Variants in TSHZ2 observed in about 807,000 individuals in gnomAD.
The protein encoded by TSHZ2 is teashirt homolog 2.
In TSHZ2, 21 loss-of-function variants were observed where a neutral mutation model predicts 74.4. That is an observed-to-expected ratio of 0.28 (90% CI 0.20 to 0.41). The LOEUF (loss-of-function observed/expected upper bound fraction) is 0.41. TSHZ2 is among the 10% of genes least tolerant of loss of function. The pLI is 1.00. For synonymous variants in TSHZ2, 540 were observed against 515.3 expected, an observed-to-expected ratio of 1.05 and a Z score of -0.65; for missense variants, 1,244 against 1,293.5, an observed-to-expected ratio of 0.96 and a Z score of 0.59.
rs565842424 is a variant in TSHZ2 at position 53,298,633 on chromosome 20, G to C, written c.*8+42062G>C. On this transcript the variant is annotated intron_variant, in intron 2 of 2. Coordinates refer to ENST00000371497, the MANE Select transcript of TSHZ2 (RefSeq NM_173485.6). ...CTTGCTGTGCAGAAGCCAGGGTGCA[G>C]GGGATCTTGTCAGCTGTCTCAGAGA... Among the ~76,000 whole-genome samples the C allele has an allele frequency of 2.6e-5, 4 of 152,340 alleles. No homozygotes were observed. The East Asian group carries it at 7.7e-4, about 29-fold the overall frequency.
At chr20:53,322,525 GA>G (rs990227785) in intron 2 of TSHZ2, among the ~76,000 whole-genome samples, 5 of 146,994 alleles carry the variant, frequency 3.4e-5, no homozygotes, top group East Asian at 2.0e-4. Flanking sequence ...AAAAAAAAAA[GA>G]AAAAAAAAAC....
chr20:53,199,960 C>T (rs767432038), intron 1 of TSHZ2, among the ~76,000 whole-genome samples: 89 of 152,192 alleles, frequency 5.8e-4, no homozygotes, highest in African/African-American at 1.7e-3. Flanking sequence ...CACATCCACG[C>T]GGTACCTTGC....
intron 1 of TSHZ2, among the ~76,000 whole-genome samples, chr20:53,138,656 T>C (rs976434926): frequency 6.6e-6 from 1 of 152,218 alleles, no homozygotes; most frequent in Admixed American, 6.5e-5. Flanking sequence ...CTTCTATATA[T>C]ACTTCAAAAC....
chr20:53,204,133 TATACTATATCATCATATGATGATATG>T (rs1568810895), intron 1 of TSHZ2, among the ~76,000 whole-genome samples: 3 of 22,726 alleles, frequency 1.3e-4, no homozygotes, highest in Non-Finnish European at 2.9e-4. Flanking sequence ...GATGATATGA[TATACTATATCATCATATGATGATATG>T]ATACTATATC....
At chr20:53,471,602 G>T (rs987595995) in intron 2 of TSHZ2, among the ~76,000 whole-genome samples, 5 of 152,092 alleles carry the variant, frequency 3.3e-5, no homozygotes, top group African/African-American at 7.2e-5. Flanking sequence ...AGGATGAAAA[G>T]GTGCTGGCCA....
At chr20:53,148,712 C>G (rs1379148325) in intron 1 of TSHZ2, among the ~76,000 whole-genome samples, 1 of 152,138 alleles carries the variant, frequency 6.6e-6, no homozygotes, top group Non-Finnish European at 1.5e-5. Context: ...ATCTCCCAAT[C>G]TTTTCTGAGA....
At chr20:53,358,209 G>A (rs1031581735) in intron 2 of TSHZ2, among the ~76,000 whole-genome samples, 3 of 149,852 alleles carry the variant, frequency 2.0e-5, no homozygotes, top group African/African-American at 7.4e-5. Context: ...TTTATGGGGG[G>A]AAGCAAAAAA....
chr20:53,456,565 G>C (rs1258457409), intron 2 of TSHZ2, among the ~76,000 whole-genome samples: 2 of 111,268 alleles, frequency 1.8e-5, no homozygotes, highest in South Asian at 3.3e-4. Flanking sequence ...AGTTTAATTA[G>C]ATCCCATTTG....
intron 1 of TSHZ2, among the ~76,000 whole-genome samples, chr20:53,094,656 G>C (rs1327387917): frequency 3.9e-5 from 6 of 152,206 alleles, no homozygotes; most frequent in Non-Finnish European, 8.8e-5. Flanking sequence ...CGTGCTGAGA[G>C]TCTGATGTGA....
chr20:53,090,162 G>T (rs969577309), intron 1 of TSHZ2, among the ~76,000 whole-genome samples: 17 of 152,152 alleles, frequency 1.1e-4, no homozygotes, highest in Admixed American at 1.0e-3. Context: ...AAAGATGAAG[G>T]CCAGAGGACT....
rs1291463353 is a variant in TSHZ2 at position 53,049,856 on chromosome 20, T to C, written c.40+76523T>C. On this transcript the variant is annotated intron_variant, in intron 1 of 2. Coordinates refer to ENST00000371497, the MANE Select transcript of TSHZ2 (RefSeq NM_173485.6). ...CAGCACTTTGGGAAGCCAAGGCAGG[T>C]GGATCTCTTGAGGTCAGGAGCTCGA... Among the ~76,000 whole-genome samples the C allele has an allele frequency of 2.6e-5, 4 of 152,030 alleles. No individual in the cohort carries two copies. In the East Asian group the frequency reaches 7.8e-4, roughly 29 times the overall value.
chr20:53,090,444 G>A (rs781424910), intron 1 of TSHZ2, among the ~76,000 whole-genome samples: 21 of 152,308 alleles, frequency 1.4e-4, no homozygotes, highest in Non-Finnish European at 2.4e-4. Flanking sequence ...AGAGAGTCAG[G>A]GCATGAAGCC....
At chr20:53,283,837 A>G (rs1991110891) in intron 2 of TSHZ2, among the ~76,000 whole-genome samples, 2 of 152,228 alleles carry the variant, frequency 1.3e-5, no homozygotes, top group South Asian at 4.1e-4. Context: ...CAAGATAAAC[A>G]GATTAACCCT....
At chr20:53,374,677 A>G (rs575562780) in intron 2 of TSHZ2, among the ~76,000 whole-genome samples, 77 of 152,308 alleles carry the variant, frequency 5.1e-4, no homozygotes, top group South Asian at 5.0e-3. Context: ...TTGGTTCTTA[A>G]GAGCCATTTG....
At chr20:53,036,415 C>T (rs924514701) in intron 1 of TSHZ2, among the ~76,000 whole-genome samples, 48 of 151,712 alleles carry the variant, frequency 3.2e-4, no homozygotes, top group African/African-American at 1.1e-3. Flanking sequence ...CCTTTAATAA[C>T]GTGTATGTAT....
intron 2 of TSHZ2, among the ~76,000 whole-genome samples, chr20:53,463,482 A>G (rs1985463589): frequency 7.6e-6 from 1 of 131,452 alleles, no homozygotes; most frequent in Non-Finnish European, 1.7e-5. Context: ...GGGGGTAGGG[A>G]GAGGAAAGAA....
intron 2 of TSHZ2, among the ~76,000 whole-genome samples, chr20:53,342,434 G>A (rs146033622): frequency 9.4e-4 from 142 of 151,848 alleles, no homozygotes; most frequent in Middle Eastern, 3.4e-3. Context: ...CAATGGGGTT[G>A]CTGACGCTTA....
intron 1 of TSHZ2, among the ~76,000 whole-genome samples, chr20:53,006,548 C>T (rs1391063850): frequency 6.6e-6 from 1 of 152,218 alleles, no homozygotes; most frequent in East Asian, 1.9e-4. Context: ...ACCACGGCTA[C>T]TCAACTCCAG....
chr20:53,197,337 C>T (rs1988896250), intron 1 of TSHZ2, among the ~76,000 whole-genome samples: 1 of 152,144 alleles, frequency 6.6e-6, no homozygotes, highest in Non-Finnish European at 1.5e-5. Flanking sequence ...TGATTCTCAA[C>T]GTGCAGTTTT....
Sources: allele counts gnomAD v4.1 joint callset (sites outside exome capture counted in the v4.1 genomes callset), GRCh38; gene constraint gnomAD v4.1.1; transcripts MANE v1.5; gene names NCBI Gene and HGNC (gene_info 2026-07-23, HGNC 2026-07-21).